The following POTEE variants were observed in gnomAD, a reference collection of about 807,000 sequenced individuals.
POTEE encodes POTE ankyrin domain family member E, also known as ANKRD26-like family C member 1A.
Under a neutral mutation model 74.2 loss-of-function variants are expected in POTEE, and 21 were observed. The ratio of observed to expected loss-of-function variants is 0.28; its 90% CI spans 0.20 to 0.41. The LOEUF is 0.41. Ranked by LOEUF, POTEE falls within the 10% of genes least tolerant of loss-of-function variation. The pLI is 1.00. For synonymous variants in POTEE, 211 were observed against 432.8 expected, an observed-to-expected ratio of 0.49 and a Z score of 6.36; for missense variants, 525 against 1,158.6, an observed-to-expected ratio of 0.45 and a Z score of 7.94.
intron 9 of POTEE, among the ~76,000 whole-genome samples, chr2:131,233,960 C>G (rs1176605001): frequency 6.6e-6 from 1 of 151,244 alleles, no homozygotes; most frequent in African/African-American, 2.5e-5. Context: ...TTTCTATGCA[C>G]GTTTAATGGA....
chr2:131,219,444 A>AC (rs1331675473), intron 4 of POTEE, among the ~76,000 whole-genome samples: 1 of 151,896 alleles, frequency 6.6e-6, no homozygotes, highest in African/African-American at 2.4e-5. Flanking sequence ...AATTTTCTTA[A>AC]GATGTGAGCT....
intron 9 of POTEE, among the ~76,000 whole-genome samples, chr2:131,235,142 T>C (rs1701088040): frequency 6.8e-6 from 1 of 147,460 alleles, no homozygotes; most frequent in African/African-American, 2.6e-5. Flanking sequence ...TCCTGCCCTC[T>C]ACCCCTTTTA....
intron 8 of POTEE, among the ~76,000 whole-genome samples, 160 bp downstream of exon 8, chr2:131,228,541 A>G (rs1216213712): frequency 6.7e-6 from 1 of 149,082 alleles, no homozygotes; most frequent in Admixed American, 6.6e-5. Context: ...TCAGACAAAA[A>G]GCAAGACAAG....
intron 9 of POTEE, among the ~76,000 whole-genome samples, chr2:131,235,724 T>A (rs1701108846): frequency 7.3e-6 from 1 of 136,608 alleles, no homozygotes; most frequent in African/African-American, 2.8e-5. Context: ...CCAGGGAGTG[T>A]CAGAGGTTGC....
At position 131,263,427 on chromosome 2, in the gene POTEE, C is replaced by G. The variant is rs772367581; in HGVS notation, c.1972C>G (p.Leu658Val). 3 of 1,611,750 alleles carry G rather than the reference C, an allele frequency of 1.9e-6. No individual in the cohort carries two copies. The highest frequency in any genetic ancestry group is 4.5e-5 in the East Asian group (2 of 44,876). Reference sequence around the variant, plus strand: ...TACGTTGCGGGAAGAAATTGCCATGCTAAGACTGGAGCTAGACACAATGAA... The same window carrying G: ...TACGTTGCGGGAAGAAATTGCCATGGTAAGACTGGAGCTAGACACAATGAA... Reference protein sequence around the residue: ...NSTLREEIAMLRLELDTMKHQ... With the variant: ...NSTLREEIAMVRLELDTMKHQ... Residue 658 changes from leucine (L) to valine (V), a missense_variant, in exon 18 of 18, where the codon CTA becomes GTA. Coordinates refer to ENST00000683005, the MANE Select transcript of POTEE (RefSeq NM_001083538.3).
At position 131,211,043 on chromosome 2, in the gene POTEE, C is replaced by T. The variant is rs1473949145; in HGVS notation, c.-329C>T. Reference sequence around the variant, plus strand: ...CCCATTCTAGGCTTTTCTGGCTTTGCCGGTCTAGCTGCTCCAAGCCAGGCT... The same window carrying T: ...CCCATTCTAGGCTTTTCTGGCTTTGTCGGTCTAGCTGCTCCAAGCCAGGCT... On this transcript the variant is annotated 5_prime_UTR_variant, in exon 2 of 18. Coordinates refer to ENST00000683005, the MANE Select transcript of POTEE (RefSeq NM_001083538.3). 6.6e-6 allele frequency among the ~76,000 whole-genome samples: 1 copy of T among 150,598 alleles called. No individual in the cohort carries two copies. Among genetic ancestry groups the T allele is most frequent in the Admixed American group, 6.6e-5 (1 of 15,238 alleles).
chr2:131,263,457 C>T lies in POTEE; in HGVS notation c.2002C>T (p.Gln668Ter), dbSNP rs765883081. The change falls in exon 18 of 18, where the codon CAG becomes TAG. Residue 668 changes from glutamine to a stop codon, truncating the protein, a stop_gained. Coordinates refer to ENST00000683005, the MANE Select transcript of POTEE (RefSeq NM_001083538.3). LOFTEE classifies it high-confidence loss of function. Reference sequence around the variant, plus strand: ...ACTGGAGCTAGACACAATGAAACATCAGAGCCAGCTAAGAGAAAAGAAATA... The same window carrying T: ...ACTGGAGCTAGACACAATGAAACATTAGAGCCAGCTAAGAGAAAAGAAATA... ...LRLELDTMKHQSQLREKKYLE... is the reference protein window; with the variant it reads ...LRLELDTMKH The T allele has an allele frequency of 6.2e-7, 1 of 1,611,780 alleles. No homozygotes were observed. The highest frequency in any genetic ancestry group is 8.5e-7 in the Non-Finnish European group (1 of 1,179,766).
At chr2:131,213,028 T>C (rs1306957590) in intron 2 of POTEE, among the ~76,000 whole-genome samples, 1 of 151,098 alleles carries the variant, frequency 6.6e-6, no homozygotes, top group East Asian at 1.9e-4. Context: ...TGGCCCGATC[T>C]TGGCTCACTG....
intron 16 of POTEE, among the ~76,000 whole-genome samples, chr2:131,260,279 A>G (rs1360848353): frequency 7.4e-5 from 11 of 149,370 alleles, no homozygotes; most frequent in Admixed American, 1.3e-4. Flanking sequence ...CTTTTGCTTG[A>G]TATGTCTGTT....
chr2:131,221,597 T>C (rs1700620324), intron 4 of POTEE, among the ~76,000 whole-genome samples: 1 of 152,250 alleles, frequency 6.6e-6, no homozygotes, highest in Admixed American at 6.5e-5. Flanking sequence ...TTCTATTATT[T>C]ATTTTTCTAT....
intron 8 of POTEE, among the ~76,000 whole-genome samples, chr2:131,230,211 T>G (rs551890148): frequency 6.6e-6 from 1 of 152,290 alleles, no homozygotes; most frequent in South Asian, 2.1e-4. Flanking sequence ...ATAGTTGAGA[T>G]GCCCTGAATT....
In POTEE at chr2:131,223,706, T is replaced by C. The variant is rs763522445; in HGVS notation, c.632T>C (p.Ile211Thr). Residue 211 changes from isoleucine (I) to threonine (T), a missense_variant, in exon 5 of 18, where the codon ATA becomes ACA. Transcript: ENST00000683005. The part of the protein sequence containing the change: ...VLDNKKRTAL[I>T]KAVQCQEDEC... ...GACAACAAAAAGAGGACAGCTCTGA[T>C]AAAGGTATGCAGTAGCCAACTATAT... 514 of 1,610,404 alleles carry C rather than the reference T, an allele frequency of 3.2e-4. 4 individuals carry two copies. In the East Asian group the frequency reaches 8.8e-3, roughly 28 times the overall value.
chr2:131,225,861 T>G (rs1399684778), intron 6 of POTEE, among the ~76,000 whole-genome samples: 1 of 152,146 alleles, frequency 6.6e-6, no homozygotes, highest in Admixed American at 6.5e-5. Flanking sequence ...GACATTAAAA[T>G]GAATATTATT....
At chr2:131,259,629 GT>G (rs1463883509) in intron 16 of POTEE, among the ~76,000 whole-genome samples, 1 of 42,968 alleles carries the variant, frequency 2.3e-5, no homozygotes, top group African/African-American at 6.3e-5. Context: ...TATTTAGCGT[GT>G]TTTTATATGC....
intron 4 of POTEE, among the ~76,000 whole-genome samples, chr2:131,221,896 T>A (rs1022416441): frequency 6.6e-5 from 10 of 152,374 alleles, no homozygotes; most frequent in Non-Finnish European, 1.3e-4. Flanking sequence ...ATCCATTCTT[T>A]CAATCCATTT....
chr2:131,238,436 T>TA, intron 11 of POTEE, among the ~76,000 whole-genome samples, 198 bp downstream of exon 11: 1 of 118,322 alleles, frequency 8.5e-6, no homozygotes, highest in South Asian at 3.3e-4. Flanking sequence ...TATTCTTTGA[T>TA]TATTATGGAA....
At chr2:131,237,647 A>G (rs1701177659) in intron 10 of POTEE, among the ~76,000 whole-genome samples, 1 of 151,864 alleles carries the variant, frequency 6.6e-6, no homozygotes, top group African/African-American at 2.4e-5. Context: ...ATCTCAATTA[A>G]AATTTGAGAA....
chr2:131,210,100 G>A (rs181166343), intron 1 of POTEE, among the ~76,000 whole-genome samples: 6,456 of 146,696 alleles, frequency 0.044, 199 homozygotes, highest in East Asian at 0.13. Flanking sequence ...TGCACTGCCC[G>A]GGGCAGGGAG....
chr2:131,224,253 G>A (rs1397178095), intron 6 of POTEE, among the ~76,000 whole-genome samples: 3 of 150,134 alleles, frequency 2.0e-5, no homozygotes, highest in African/African-American at 4.9e-5. Flanking sequence ...TAATGCACTT[G>A]TGGTAAATAC....
Sources: allele counts gnomAD v4.1 joint callset (sites outside exome capture counted in the v4.1 genomes callset), GRCh38; gene constraint gnomAD v4.1.1; transcripts MANE v1.5; gene names NCBI Gene and HGNC (gene_info 2026-07-23, HGNC 2026-07-21).